Variants in ARHGEF10 observed in about 807,000 individuals in gnomAD.
The protein encoded by ARHGEF10 is Rho guanine nucleotide exchange factor (GEF) 10.
ARHGEF10 carries 140 observed loss-of-function variants against 147.4 expected under a neutral mutation model. The ratio of observed to expected loss-of-function variants is 0.95; its 90% CI spans 0.83 to 1.09. ARHGEF10 has a LOEUF of 1.09. ARHGEF10 is among the 50% of genes least tolerant of loss of function. The pLI, the probability that ARHGEF10 is intolerant of heterozygous loss-of-function variation, is 0.00. For missense variants in ARHGEF10, 2,222 were observed against 1,752.7 expected, an observed-to-expected ratio of 1.27 and a Z score of -4.78; for synonymous variants, 902 against 695.8, an observed-to-expected ratio of 1.30 and a Z score of -4.67.
At chr8:1,914,689 C>T (rs763641844) in intron 18 of ARHGEF10, among the ~76,000 whole-genome samples, 1 of 152,230 alleles carries the variant, frequency 6.6e-6, no homozygotes, top group Non-Finnish European at 1.5e-5. Context: ...GTGGGAAGGG[C>T]TGCTTCTGCG....
chr8:1,829,166 C>T (rs1034928458), intron 1 of ARHGEF10, among the ~76,000 whole-genome samples: 1 of 152,140 alleles, frequency 6.6e-6, no homozygotes, highest in Admixed American at 6.5e-5. Flanking sequence ...GCTGAGTCGT[C>T]CCGACAGGAT....
At chr8:1,925,444 C>T (rs1477167448) in intron 22 of ARHGEF10, 40 bp downstream of exon 22, 2 of 1,611,486 alleles carry the variant, frequency 1.2e-6, no homozygotes, top group Middle Eastern at 1.9e-4. Context: ...GTGGGACGCA[C>T]CTCGCAGCTC....
intron 24 of ARHGEF10, among the ~76,000 whole-genome samples, chr8:1,929,078 G>C (rs1812908335): frequency 6.6e-6 from 1 of 152,040 alleles, no homozygotes; most frequent in South Asian, 2.1e-4. Context: ...GAAGAACTAA[G>C]TTTTTTCATA....
In ARHGEF10 at chr8:1,917,956, T is replaced by G. The variant is rs1209394808; in HGVS notation, c.2144-5008T>G. Among the ~76,000 whole-genome samples the G allele has an allele frequency of 3.3e-5, 5 of 151,770 alleles. No individual in the cohort carries two copies. The South Asian group carries it at 1.0e-3, about 32-fold the overall frequency. On this transcript the variant is annotated intron_variant, in intron 18 of 28. Transcript: ENST00000349830. Reference sequence around the variant, plus strand: ...ACCATGCCTGGCTAATTTTTTTTTTTTTTGTATTTTTAGTAGGGATGAGGT... The same window carrying G: ...ACCATGCCTGGCTAATTTTTTTTTTGTTTGTATTTTTAGTAGGGATGAGGT...
rs770670829 is a variant in ARHGEF10, at chr8:1,910,533, T to A, written c.2143+1063T>A. On this transcript the variant is annotated intron_variant, in intron 18 of 28. Transcript: ENST00000349830. Reference sequence around the variant, plus strand: ...AGTGGTATGCGTCTGTATCAAACCCTCTCCACAAATAACTGAAGTACCAAA... The same window carrying A: ...AGTGGTATGCGTCTGTATCAAACCCACTCCACAAATAACTGAAGTACCAAA... Among the ~76,000 whole-genome samples, 104 of 152,038 alleles carry A rather than the reference T, an allele frequency of 6.8e-4. 1 individual carries two copies. The highest frequency in any genetic ancestry group is 9.0e-4 in the Non-Finnish European group (61 of 68,022).
intron 1 of ARHGEF10, among the ~76,000 whole-genome samples, chr8:1,828,284 G>A (rs921700951): frequency 1.3e-5 from 2 of 152,248 alleles, no homozygotes; most frequent in South Asian, 2.1e-4. Flanking sequence ...GGATGTGGTC[G>A]TTATTATGTT....
chr8:1,890,205 T>TC (rs1809370397), intron 11 of ARHGEF10, among the ~76,000 whole-genome samples: 1 of 128,096 alleles, frequency 7.8e-6, no homozygotes, highest in Non-Finnish European at 1.7e-5. Flanking sequence ...AGGGTGAGGG[T>TC]TGTGAAGAGA....
intron 5 of ARHGEF10, 131 bp from the exon 6 acceptor site, chr8:1,866,395 G>A (rs1047944409): frequency 2.5e-6 from 2 of 803,770 alleles, no homozygotes; most frequent in Non-Finnish European, 4.2e-6. Flanking sequence ...GTGATTTCCT[G>A]TATAGTAACA....
intron 1 of ARHGEF10, among the ~76,000 whole-genome samples, chr8:1,832,251 C>CTT (rs1226909910): frequency 6.6e-6 from 1 of 152,054 alleles, no homozygotes; most frequent in East Asian, 1.9e-4. Flanking sequence ...GCGGGGGGCG[C>CTT]GTTGTGTCCA....
At chr8:1,847,314 A>G (rs1167463366) in intron 2 of ARHGEF10, among the ~76,000 whole-genome samples, 1 of 152,236 alleles carries the variant, frequency 6.6e-6, no homozygotes, top group Non-Finnish European at 1.5e-5. Context: ...AGCATTTATG[A>G]AGTACTTAGA....
At chr8:1,917,385 C>G (rs1039579139) in intron 18 of ARHGEF10, among the ~76,000 whole-genome samples, 1 of 152,194 alleles carries the variant, frequency 6.6e-6, no homozygotes, top group Non-Finnish European at 1.5e-5. Context: ...GGTCTCACAT[C>G]GTGGAGGAGA....
rs1053116268 is a variant in ARHGEF10, at chr8:1,845,303, G to A, written c.37+1867G>A. 4.6e-5 allele frequency among the ~76,000 whole-genome samples: 7 copies of A among 152,102 alleles called. No homozygotes were observed. In the East Asian group the frequency reaches 5.8e-4, roughly 13 times the overall value. On this transcript the variant is annotated intron_variant, in intron 2 of 28. Transcript: ENST00000349830. ...GCTGTCCCTCCAGGGGCCCCCTCCC[G>A]CCTCCCTGCTTTCTTTTTGGCATTT...
At chr8:1,845,277 G>A (rs913256315) in intron 2 of ARHGEF10, among the ~76,000 whole-genome samples, 1 of 151,276 alleles carries the variant, frequency 6.6e-6, no homozygotes, top group Admixed American at 6.6e-5. Flanking sequence ...CACTTTGGGC[G>A]GCTGTCCCTC....
intron 28 of ARHGEF10, among the ~76,000 whole-genome samples, chr8:1,954,050 T>C (rs73548679): frequency 0.037 from 5,578 of 152,270 alleles, 199 homozygotes; most frequent in African/African-American, 0.094. Context: ...GGATTGTACA[T>C]GTTGAGGACC....
At chr8:1,892,768 C>G (rs73671031) in intron 11 of ARHGEF10, among the ~76,000 whole-genome samples, 13,620 of 151,996 alleles carry the variant, frequency 0.09, 1,698 homozygotes, top group African/African-American at 0.28. Context: ...AGTGCGCATG[C>G]TGGTTTAGGA....
intron 7 of ARHGEF10, 194 bp from the exon 8 acceptor site, chr8:1,876,377 G>A (rs999315935): frequency 7.9e-6 from 5 of 633,646 alleles, no homozygotes; most frequent in Middle Eastern, 4.2e-4. Context: ...CAGCCTCCCC[G>A]GCCCTGCCCG....
rs1815749624 is a variant in ARHGEF10 at position 1,958,449 on chromosome 8, T to C, written c.*1186T>C. 1 of 152,254 alleles carries C rather than the reference T, an allele frequency of 6.6e-6. No homozygotes were observed. The highest frequency in any genetic ancestry group is 2.1e-4 in the South Asian group (1 of 4,822). The allele number at this position is 152,254 out of a possible 1,614,324, so 9.4% of individuals were successfully genotyped here. ...TACTGGACGGATAACAAGAAAAAAA[T>C]CCTAACACAGGCAGGCACCAGAAAT... On this transcript the variant is annotated 3_prime_UTR_variant, in exon 29 of 29. Coordinates refer to ENST00000349830, the MANE Select transcript of ARHGEF10 (RefSeq NM_014629.4).
intron 16 of ARHGEF10, chr8:1,903,678 C>G: frequency 3.3e-6 from 2 of 607,966 alleles, no homozygotes; most frequent in Non-Finnish European, 5.8e-6. Flanking sequence ...GAAAGAGATT[C>G]ATACATTCAT....
intron 19 of ARHGEF10, 153 bp from the exon 20 acceptor site, chr8:1,923,314 AC>A: frequency 1.7e-6 from 2 of 1,179,848 alleles, no homozygotes; most frequent in South Asian, 2.8e-5. Flanking sequence ...TCAGCCCCCC[AC>A]AGTGTGATCT....
Sources: allele counts gnomAD v4.1 joint callset (sites outside exome capture counted in the v4.1 genomes callset), GRCh38; gene constraint gnomAD v4.1.1; transcripts MANE v1.5; gene names NCBI Gene and HGNC (gene_info 2026-07-23, HGNC 2026-07-21).